TMTC1: variants seen among roughly 807,000 people sequenced by gnomAD.
TMTC1 encodes the protein protein O-mannosyl-transferase TMTC1.
Under a neutral mutation model 104.8 loss-of-function variants are expected in TMTC1, and 73 were observed. That is an observed-to-expected ratio of 0.70 (90% CI 0.58 to 0.85). The LOEUF (loss-of-function observed/expected upper bound fraction) is 0.85. Ranked by LOEUF, TMTC1 falls within the 40% of genes least tolerant of loss-of-function variation. The pLI is 0.00. For synonymous variants in TMTC1, 434 were observed against 428.7 expected (o/e 1.01, Z -0.15); for missense variants, 1,035 against 1,096.1 (o/e 0.94, Z 0.79).
intron 5 of TMTC1, among the ~76,000 whole-genome samples, chr12:29,719,125 T>C (rs1446042396): frequency 1.3e-5 from 2 of 152,182 alleles, no homozygotes; most frequent in Non-Finnish European, 2.9e-5. Flanking sequence ...AATAAAATAA[T>C]AGTGCATTTG....
chr12:29,782,463 C>CGGA (rs1555200130), intron 1 of TMTC1, among the ~76,000 whole-genome samples: 1 of 151,526 alleles, frequency 6.6e-6, no homozygotes, highest in Non-Finnish European at 1.5e-5. Flanking sequence ...ACACCCGTTG[C>CGGA]AAAAAGGCTT....
intron 5 of TMTC1, among the ~76,000 whole-genome samples, chr12:29,671,999 C>T (rs74581457): frequency 0.023 from 3,440 of 152,178 alleles, 78 homozygotes; most frequent in Admixed American, 0.052. Context: ...GCAGCCCTCT[C>T]CTCCTGTATA....
At chr12:29,719,754 T>C (rs1427829999) in intron 5 of TMTC1, among the ~76,000 whole-genome samples, 2 of 152,232 alleles carry the variant, frequency 1.3e-5, no homozygotes, top group Admixed American at 1.3e-4. Context: ...CTTTTACCTT[T>C]TCAATGTCCC....
intron 5 of TMTC1, among the ~76,000 whole-genome samples, chr12:29,699,657 T>C (rs1413618725): frequency 6.9e-6 from 1 of 144,724 alleles, no homozygotes; most frequent in Admixed American, 6.9e-5. Flanking sequence ...TGCTTTTTTT[T>C]TTTTTTTTTT....
chr12:29,640,519 G>C (rs1938790574), intron 5 of TMTC1: 1 of 152,226 alleles, frequency 6.6e-6, no homozygotes, highest in Non-Finnish European at 1.5e-5. Flanking sequence ...CACAACTGGA[G>C]AAGCTGAAGG....
chr12:29,738,437 T>G (rs1412665528), intron 5 of TMTC1, among the ~76,000 whole-genome samples: 1 of 152,232 alleles, frequency 6.6e-6, no homozygotes, highest in Non-Finnish European at 1.5e-5. Context: ...CCAAAGTGAA[T>G]GCCTGGCAGT....
chr12:29,579,699 A>G (rs555009146), intron 8 of TMTC1, among the ~76,000 whole-genome samples: 3 of 152,292 alleles, frequency 2.0e-5, no homozygotes, highest in East Asian at 3.9e-4. Flanking sequence ...CTCCAAACAA[A>G]TGTAGGGTTC....
intron 2 of TMTC1, among the ~76,000 whole-genome samples, chr12:29,760,301 G>A (rs1943314861): frequency 6.6e-6 from 1 of 152,182 alleles, no homozygotes; most frequent in African/African-American, 2.4e-5. Context: ...GGGAAAGAAA[G>A]GAGACCTCTT....
At chr12:29,685,949 A>T (rs1293570946) in intron 5 of TMTC1, among the ~76,000 whole-genome samples, 28 of 147,178 alleles carry the variant, frequency 1.9e-4, no homozygotes, top group Non-Finnish European at 2.2e-4. Context: ...AAAAAAAAAA[A>T]GGTGAGCCTG....
chr12:29,668,605 C>T lies in TMTC1; in HGVS notation c.939-35269G>A, dbSNP rs560535380. 8.7e-4 allele frequency among the ~76,000 whole-genome samples: 132 copies of T among 152,134 alleles called. 2 individuals are homozygous for T. The Middle Eastern group carries it at 0.017, about 20-fold the overall frequency. On this transcript the variant is annotated intron_variant, in intron 5 of 17. Transcript: ENST00000539277. ...CCCCTCTAGTAGCTGGGATTACAGG[C>T]ACATGCCACCATGCCTGGCTAATTT...
intron 5 of TMTC1, among the ~76,000 whole-genome samples, chr12:29,664,404 G>A (rs887966901): frequency 5.3e-5 from 8 of 152,090 alleles, no homozygotes; most frequent in African/African-American, 1.9e-4. Context: ...TAAACACTAG[G>A]TCAGAGGCTG....
intron 9 of TMTC1, among the ~76,000 whole-genome samples, chr12:29,564,035 G>T (rs1193310387): frequency 1.3e-5 from 2 of 152,098 alleles, no homozygotes; most frequent in Non-Finnish European, 2.9e-5. Flanking sequence ...GTGCGAGGGA[G>T]GGGTAAGAGC....
chr12:29,517,280 G>T, intron 14 of TMTC1, 147 bp downstream of exon 14: 2 of 794,490 alleles, frequency 2.5e-6, no homozygotes, highest in Non-Finnish European at 3.7e-6. Flanking sequence ...TGTCTTTAGA[G>T]AATGGCTCTA....
chr12:29,748,720 C>T (rs1943017354), intron 5 of TMTC1, among the ~76,000 whole-genome samples: 1 of 152,144 alleles, frequency 6.6e-6, no homozygotes, highest in Non-Finnish European at 1.5e-5. Context: ...AGTTTTCTTC[C>T]CCCTACTGAG....
At chr12:29,625,728 T>C (rs1232315644) in intron 6 of TMTC1, among the ~76,000 whole-genome samples, 7 of 152,246 alleles carry the variant, frequency 4.6e-5, no homozygotes, top group African/African-American at 1.7e-4. Context: ...AAGACTTGCC[T>C]GTGTGCAGGG....
At chr12:29,650,374 C>T (rs1939460459) in intron 5 of TMTC1, among the ~76,000 whole-genome samples, 1 of 152,064 alleles carries the variant, frequency 6.6e-6, no homozygotes, top group South Asian at 2.1e-4. Context: ...TGTGAGCCAC[C>T]TTGCCCAGCC....
At chr12:29,643,430 G>GATAT (rs140009038) in intron 5 of TMTC1, among the ~76,000 whole-genome samples, 4,950 of 121,110 alleles carry the variant, frequency 0.041, 182 homozygotes, top group Admixed American at 0.065. Context: ...GATAAACTGT[G>GATAT]ATATATATAT....
intron 5 of TMTC1, among the ~76,000 whole-genome samples, chr12:29,726,149 AG>A (rs1942384387): frequency 6.6e-6 from 1 of 152,192 alleles, no homozygotes; most frequent in African/African-American, 2.4e-5. Flanking sequence ...AGTCAGTCCC[AG>A]GGGACACCAC....
intron 9 of TMTC1, among the ~76,000 whole-genome samples, chr12:29,563,484 G>C (rs907876908): frequency 6.6e-6 from 1 of 152,102 alleles, no homozygotes; most frequent in African/African-American, 2.4e-5. Context: ...ATGAGGAGTG[G>C]GGAGGAGAGT....
Sources: allele counts gnomAD v4.1 joint callset (sites outside exome capture counted in the v4.1 genomes callset), GRCh38; gene constraint gnomAD v4.1.1; transcripts MANE v1.5; gene names NCBI Gene and HGNC (gene_info 2026-07-23, HGNC 2026-07-21).